Variants in HECW2 observed in about 807,000 individuals in gnomAD.
HECW2 encodes the protein E3 ubiquitin-protein ligase HECW2.
A neutral mutation model predicts 175.2 loss-of-function variants in HECW2; 61 were observed. That is an observed-to-expected ratio of 0.35 (90% CI 0.28 to 0.43). The LOEUF (loss-of-function observed/expected upper bound fraction) is 0.43, where lower values mean the gene tolerates loss of function less well. Ranked by LOEUF, HECW2 falls within the 20% of genes least tolerant of loss-of-function variation. The pLI, the probability that HECW2 is intolerant of heterozygous loss-of-function variation, is 1.00. For missense variants in HECW2, 1,524 were observed against 2,000.5 expected (o/e 0.76, Z 4.54); for synonymous variants, 671 against 731.0 (o/e 0.92, Z 1.32).
In HECW2 at chr2:196,585,837, A is replaced by C. The variant is rs542196272; in HGVS notation, c.-36+7671T>G. On this transcript the variant is annotated intron_variant, in intron 1 of 28. Coordinates refer to ENST00000644978, the MANE Select transcript of HECW2 (RefSeq NM_001348768.2). ...AAAGATTATGTCCTGAAAACCTTAG[A>C]GTATGAAGTCCATTTGGATAAAATG... is the stretch of plus-strand genomic sequence containing the variant. Among the ~76,000 whole-genome samples, 9 of 152,326 alleles carry C rather than the reference A, an allele frequency of 5.9e-5. No homozygotes were observed. In the South Asian group the frequency reaches 1.4e-3, roughly 25 times the overall value.
At chr2:196,505,198 A>G (rs181418163) in intron 1 of HECW2, among the ~76,000 whole-genome samples, 4 of 152,356 alleles carry the variant, frequency 2.6e-5, no homozygotes, top group Admixed American at 2.0e-4. Flanking sequence ...AGTAATTTAA[A>G]AAACCAAGAC....
chr2:196,271,361 A>C, intron 16 of HECW2, 72 bp from the exon 17 acceptor site: 1 of 1,100,610 alleles, frequency 9.1e-7, no homozygotes, highest in Admixed American at 2.0e-5. Flanking sequence ...ATAAATCCAA[A>C]CCTGTGTGCC....
intron 1 of HECW2, among the ~76,000 whole-genome samples, chr2:196,495,525 A>G (rs1301346877): frequency 6.6e-6 from 1 of 152,228 alleles, no homozygotes; most frequent in African/African-American, 2.4e-5. Context: ...AATAGGAAAG[A>G]TCTAGGGAAG....
At chr2:196,449,057 T>G (rs1197219620) in intron 1 of HECW2, among the ~76,000 whole-genome samples, 1 of 152,108 alleles carries the variant, frequency 6.6e-6, no homozygotes, top group Non-Finnish European at 1.5e-5. Flanking sequence ...TTGGGGTGAG[T>G]GTCCGTGGCA....
In HECW2 at chr2:196,393,849, G is replaced by A. The variant is rs577158350; in HGVS notation, c.292+39283C>T. Among the ~76,000 whole-genome samples the A allele has an allele frequency of 2.6e-5, 4 of 152,210 alleles. No homozygotes were observed. In the South Asian group the frequency reaches 8.3e-4, roughly 32 times the overall value. On this transcript the variant is annotated intron_variant, in intron 2 of 28. Coordinates refer to ENST00000644978, the MANE Select transcript of HECW2 (RefSeq NM_001348768.2). Reference sequence around the variant, plus strand: ...AATCATGCTGCTATAAAGACACATGGACACATATGTTTATTGCGGCACTAT... The same window carrying A: ...AATCATGCTGCTATAAAGACACATGAACACATATGTTTATTGCGGCACTAT...
chr2:196,574,936 C>T (rs1264467559), intron 1 of HECW2, among the ~76,000 whole-genome samples: 2 of 151,918 alleles, frequency 1.3e-5, no homozygotes, highest in Admixed American at 6.6e-5. Flanking sequence ...AAAGGATAGT[C>T]ATTTAAATAC....
In HECW2 at chr2:196,433,518, C is replaced by T. The variant is rs571625978; in HGVS notation, c.-35-60G>A. 40 of 1,278,522 alleles carry T rather than the reference C, an allele frequency of 3.1e-5. No individual in the cohort carries two copies. In the East Asian group the frequency reaches 8.6e-4, roughly 28 times the overall value. The allele number at this position is 1,278,522 out of a possible 1,614,324, so 79.2% of individuals were successfully genotyped here. On this transcript the variant is annotated intron_variant, in intron 1 of 28. Coordinates refer to ENST00000644978, the MANE Select transcript of HECW2 (RefSeq NM_001348768.2). ...TACAATACGAAGAATCAGATTTAAG[C>T]TTTCCAGACATAAAGCCTTAAAGGG...
chr2:196,277,639 G>C lies in HECW2; in HGVS notation c.3135+889C>G, dbSNP rs369604767. Among the ~76,000 whole-genome samples the C allele has an allele frequency of 2.0e-5, 3 of 152,156 alleles. No homozygotes were observed. In the South Asian group the frequency reaches 6.2e-4, roughly 32 times the overall value. ...TCCCATTACTGGGTATATACCCAAA[G>C]GACTATAAATCATGCTGCTATAAAG... is the stretch of plus-strand genomic sequence containing the variant. On this transcript the variant is annotated intron_variant, in intron 15 of 28. Transcript: ENST00000644978.
intron 2 of HECW2, among the ~76,000 whole-genome samples, chr2:196,360,733 T>C (rs563995857): frequency 1.3e-5 from 2 of 152,244 alleles, no homozygotes; most frequent in Non-Finnish European, 2.9e-5. Flanking sequence ...TTCTGAAACA[T>C]TCATTGCTCC....
chr2:196,379,002 A>C (rs1295196507), intron 2 of HECW2, among the ~76,000 whole-genome samples: 1 of 152,146 alleles, frequency 6.6e-6, no homozygotes, highest in Non-Finnish European at 1.5e-5. Context: ...GATGATATTC[A>C]AGACCCTTTT....
chr2:196,205,969 C>T (rs192573400), intron 28 of HECW2, among the ~76,000 whole-genome samples: 27 of 152,220 alleles, frequency 1.8e-4, no homozygotes. Flanking sequence ...TATTTACCAT[C>T]AACTTGCTCT....
chr2:196,237,534 T>A (rs999729550), intron 21 of HECW2, among the ~76,000 whole-genome samples: 1 of 152,232 alleles, frequency 6.6e-6, no homozygotes, highest in African/African-American at 2.4e-5. Context: ...TTCCTTTTTA[T>A]GGTTGAGTAG....
At chr2:196,582,930 T>C (rs1288693675) in intron 1 of HECW2, among the ~76,000 whole-genome samples, 1 of 152,194 alleles carries the variant, frequency 6.6e-6, no homozygotes, top group Non-Finnish European at 1.5e-5. Context: ...GCCTTTCCTT[T>C]TGATGAAGTG....
intron 6 of HECW2, 54 bp downstream of exon 6, chr2:196,324,925 GA>G: frequency 7.1e-7 from 1 of 1,413,824 alleles, no homozygotes; most frequent in Non-Finnish European, 9.5e-7. Flanking sequence ...AGGAAAGAGA[GA>G]GACTGGGCTG....
In HECW2 at chr2:196,337,648, A is replaced by G. The variant is rs1481591206; in HGVS notation, c.401-3130T>C. ...CATATACTTATATGTATCCAAATAT[A>G]TAATATATGTTATATATCTATCTAC... On this transcript the variant is annotated intron_variant, in intron 3 of 28. Transcript: ENST00000644978. Among the ~76,000 whole-genome samples the G allele has an allele frequency of 2.6e-5, 4 of 151,880 alleles. No homozygotes were observed. In the East Asian group the frequency reaches 7.7e-4, roughly 29 times the overall value.
At chr2:196,590,722 T>C (rs1691159975) in intron 1 of HECW2, among the ~76,000 whole-genome samples, 1 of 152,202 alleles carries the variant, frequency 6.6e-6, no homozygotes, top group Non-Finnish European at 1.5e-5. Flanking sequence ...GCAAAACACA[T>C]TCATCTAGGA....
Position 196,317,365 on chromosome 2 carries a change from A to G in HECW2, c.2343T>C (p.Ser781=). The G allele has an allele frequency of 3.1e-6, 5 of 1,610,226 alleles. No homozygotes were observed. The East Asian group carries it at 8.9e-5, about 29-fold the overall frequency. The part of the protein sequence containing the change: ...TAQEEGATGG[S]QANGHQPLRS... Reference sequence around the variant, plus strand: ...GCAGTGGCTGGTGGCCGTTGGCTTGAGAACCTAGGATTAAAGGTAGAAAGT... The same window carrying G: ...GCAGTGGCTGGTGGCCGTTGGCTTGGGAACCTAGGATTAAAGGTAGAAAGT... The change falls in exon 10 of 29, where the codon TCT becomes TCC. Residue 781 remains serine, a synonymous_variant. Coordinates refer to ENST00000644978, the MANE Select transcript of HECW2 (RefSeq NM_001348768.2).
chr2:196,504,274 G>T lies in HECW2; in HGVS notation c.-35-70816C>A, dbSNP rs146653121. 1.8e-3 allele frequency among the ~76,000 whole-genome samples: 240 copies of T among 136,542 alleles called. 3 individuals are homozygous for T. Among genetic ancestry groups the T allele is most frequent in the Admixed American group, 0.017 (213 of 12,502 alleles). The allele number at this position is 136,542 out of a possible 152,430, so 89.6% of individuals were successfully genotyped here. A position where few individuals can be genotyped will look rare whatever the true frequency, so the allele number is the denominator to read the frequency against. ...TTGTGCCACTGCACTCCAGCTGGGGGATAAGAGTGAAACTCTGTCTCAAAA... is the reference window on the plus strand; with the variant it reads ...TTGTGCCACTGCACTCCAGCTGGGGTATAAGAGTGAAACTCTGTCTCAAAA... On this transcript the variant is annotated intron_variant, in intron 1 of 28. Transcript: ENST00000644978.
At chr2:196,498,228 T>C (rs1687462927) in intron 1 of HECW2, among the ~76,000 whole-genome samples, 1 of 152,228 alleles carries the variant, frequency 6.6e-6, no homozygotes. Context: ...CTGGTTTTTT[T>C]CACATAATAT....
Sources: allele counts gnomAD v4.1 joint callset (sites outside exome capture counted in the v4.1 genomes callset), GRCh38; gene constraint gnomAD v4.1.1; transcripts MANE v1.5; gene names NCBI Gene and HGNC (gene_info 2026-07-23, HGNC 2026-07-21).